The following COL4A5 variants were observed in gnomAD, a reference collection of about 807,000 sequenced individuals.
COL4A5 encodes the protein collagen alpha-5(IV) chain.
COL4A5 carries 26 observed loss-of-function variants against 130.2 expected under a neutral mutation model. The ratio of observed to expected loss-of-function variants is 0.20; its 90% CI spans 0.15 to 0.28. The LOEUF is 0.28. COL4A5 is among the 10% of genes least tolerant of loss of function. The pLI is 1.00. For synonymous variants in COL4A5, 496 were observed against 439.6 expected (o/e 1.13, Z -1.60); for missense variants, 1,131 against 1,344.3 (o/e 0.84, Z 2.48).
At position 108,440,064 on chromosome X, in the gene COL4A5, T is replaced by C; in HGVS notation, c.-62T>C. On this transcript the variant is annotated 5_prime_UTR_variant, in exon 1 of 53. Coordinates refer to ENST00000328300, the MANE Select transcript of COL4A5 (RefSeq NM_033380.3). The stretch of plus-strand genomic sequence containing the variant: ...ATATAAACCCTCAAGATTATGTCAA[T>C]TGGTTAGAGCCAGCCGGGAATTTCG... 2.2e-6 allele frequency: 2 copies of C among 907,400 alleles called. No individual in the cohort carries two copies. Among genetic ancestry groups the C allele is most frequent in the South Asian group, 2.0e-5 (1 of 48,847 alleles). 74.8% of individuals were successfully genotyped at this position (907,400 alleles called of 1,213,427 possible). A position where few individuals can be genotyped will look rare whatever the true frequency, so the allele number is the denominator to read the frequency against.
chrX:108,522,714 A>G (rs191576266), intron 1 of COL4A5, among the ~76,000 whole-genome samples: 1 of 107,853 alleles, frequency 9.3e-6, no homozygotes, highest in African/African-American at 3.4e-5. Flanking sequence ...TGATTGGCAA[A>G]TACATTTTCC....
chrX:108,642,565 T>C (rs1273560010), intron 36 of COL4A5, among the ~76,000 whole-genome samples: 4 of 111,042 alleles, frequency 3.6e-5, no homozygotes, highest in Non-Finnish European at 7.5e-5. Flanking sequence ...CACAGGACTT[T>C]GTGCAGACAA....
rs1271847373 is a variant in COL4A5, at chrX:108,644,934, AAAAG to A, written c.3247-10392_3247-10389del. On this transcript the variant is annotated intron_variant, in intron 36 of 52. Transcript: ENST00000328300. ...ACAACAACAACAAAAAAAAAAAAAA[AAAAG>A]AAAGCAAAGAAAAGAAACATGCTCC... is the stretch of plus-strand genomic sequence containing the variant. 2.3e-3 allele frequency among the ~76,000 whole-genome samples: 250 copies of A among 109,373 alleles called. 2 individuals are homozygous for A. The highest frequency in any genetic ancestry group is 7.9e-3 in the African/African-American group (238 of 30,180). 95.0% of individuals were successfully genotyped at this position (109,373 alleles called of 115,157 possible).
At chrX:108,652,660 T>C (rs2067754867) in intron 36 of COL4A5, among the ~76,000 whole-genome samples, 1 of 112,290 alleles carries the variant, frequency 8.9e-6, no homozygotes, top group Non-Finnish European at 1.9e-5. Context: ...GAAGATGCTA[T>C]TACTAGGACA....
intron 36 of COL4A5, among the ~76,000 whole-genome samples, chrX:108,631,672 G>T (rs956789994): frequency 1.8e-5 from 2 of 111,504 alleles, no homozygotes; most frequent in African/African-American, 6.5e-5. Flanking sequence ...TTAGGATTAA[G>T]AAACTCACTC....
rs104886089 is a variant in COL4A5, at chrX:108,586,590, AT to A, written c.1033-15del. 4.1e-3 allele frequency: 4,520 copies of A among 1,093,951 alleles called. 15 individuals are homozygous for A. The highest frequency in any genetic ancestry group is 4.3e-3 in the Non-Finnish European group (3,476 of 807,399). The allele number at this position is 1,093,951 out of a possible 1,213,427, so 90.2% of individuals were successfully genotyped here. A position where few individuals can be genotyped will look rare whatever the true frequency, so the allele number is the denominator to read the frequency against. Reference sequence around the variant, plus strand: ...AGGCTTTTCTTCTTTGCATTTCTTTATTTTTTTTTTCTTTGGTAATAAAGGT... The same window carrying A: ...AGGCTTTTCTTCTTTGCATTTCTTTATTTTTTTTTCTTTGGTAATAAAGGT... On this transcript the variant is annotated intron_variant, in intron 18 of 52. Transcript: ENST00000328300.
intron 9 of COL4A5, among the ~76,000 whole-genome samples, 199 bp downstream of exon 9, chrX:108,573,853 G>T (rs745964949): frequency 1.8e-5 from 2 of 111,153 alleles, no homozygotes; most frequent in Non-Finnish European, 3.8e-5. Context: ...TCATTCTTTT[G>T]CCTTTCTATC....
intron 36 of COL4A5, among the ~76,000 whole-genome samples, chrX:108,646,193 C>A (rs1441466409): frequency 4.5e-5 from 5 of 111,517 alleles, no homozygotes; most frequent in Admixed American, 3.8e-4. Context: ...TACAGTCCCA[C>A]CTACAGTGTA....
chrX:108,554,979 G>A (rs1350450562), intron 2 of COL4A5, among the ~76,000 whole-genome samples: 1 of 112,435 alleles, frequency 8.9e-6, no homozygotes, highest in African/African-American at 3.2e-5. Flanking sequence ...TAAAACATAT[G>A]TTTTTAACAT....
chrX:108,692,696 A>G (rs1447597168), intron 49 of COL4A5, 52 bp from the exon 50 acceptor site: 1 of 1,149,697 alleles, frequency 8.7e-7, no homozygotes, highest in East Asian at 3.0e-5. Flanking sequence ...AGAAGAAACC[A>G]AAGTATCATT....
chrX:108,599,044 T>C (rs1014186579), intron 25 of COL4A5, among the ~76,000 whole-genome samples, 174 bp downstream of exon 25: 2 of 112,220 alleles, frequency 1.8e-5, no homozygotes, highest in Non-Finnish European at 3.8e-5. Context: ...GGTTTCTTTT[T>C]AAATCTTTTC....
At chrX:108,565,525 G>A (rs952182144) in intron 4 of COL4A5, among the ~76,000 whole-genome samples, 1 of 111,824 alleles carries the variant, frequency 8.9e-6, no homozygotes, top group African/African-American at 3.3e-5. Flanking sequence ...TTAAACATTA[G>A]GAATAGTTTT....
intron 19 of COL4A5, among the ~76,000 whole-genome samples, chrX:108,589,976 C>A (rs1351248575): frequency 9.0e-6 from 1 of 111,485 alleles, no homozygotes; most frequent in Admixed American, 9.5e-5. Context: ...GGGCAAAAGA[C>A]ATGAACAGAA....
intron 1 of COL4A5, among the ~76,000 whole-genome samples, chrX:108,525,516 A>C (rs985705430): frequency 2.7e-4 from 30 of 109,412 alleles, no homozygotes; most frequent in African/African-American, 9.3e-4. Flanking sequence ...TTTGTCCGTA[A>C]TTTCACTTTT....
intron 1 of COL4A5, among the ~76,000 whole-genome samples, chrX:108,444,247 T>A (rs1003218668): frequency 9.4e-6 from 1 of 106,798 alleles, no homozygotes; most frequent in African/African-American, 3.4e-5. Flanking sequence ...GATGGAGTCT[T>A]GCTCTGTCAC....
intron 50 of COL4A5, among the ~76,000 whole-genome samples, 183 bp downstream of exon 50, chrX:108,693,108 C>T (rs930197722): frequency 6.3e-5 from 7 of 111,333 alleles, no homozygotes; most frequent in Non-Finnish European, 1.3e-4. Context: ...TTGACCAGGC[C>T]CCCATGATAG....
chrX:108,695,461 T>G, intron 52 of COL4A5, 22 bp downstream of exon 52: 2 of 1,199,426 alleles, frequency 1.7e-6, no homozygotes, highest in Non-Finnish European at 2.3e-6. Flanking sequence ...ATAGCTTTAA[T>G]TCAGGTCCAA....
intron 29 of COL4A5, among the ~76,000 whole-genome samples, chrX:108,609,840 A>G (rs1311171888): frequency 9.1e-6 from 1 of 110,384 alleles, no homozygotes; most frequent in African/African-American, 3.3e-5. Context: ...GTGTTGATCT[A>G]CTTCTGTGCT....
intron 29 of COL4A5, among the ~76,000 whole-genome samples, chrX:108,613,551 T>C (rs945159234): frequency 1.1e-4 from 12 of 112,312 alleles, no homozygotes; most frequent in Middle Eastern, 4.7e-3. Context: ...GCAGAATATA[T>C]AATGAACTCT....
Sources: gnomAD v4.1 joint callset for allele counts (sites outside exome capture counted in the v4.1 genomes callset) on GRCh38, gnomAD v4.1.1 for gene constraint, MANE v1.5 for transcripts, NCBI Gene and HGNC (gene_info 2026-07-23, HGNC 2026-07-21) for gene names.